Variants in CADM2 observed in about 807,000 individuals in gnomAD.
CADM2 encodes immunoglobulin superfamily member 4D.
A neutral mutation model predicts 49.8 loss-of-function variants in CADM2; 12 were observed. That is an observed-to-expected ratio of 0.24 (90% CI 0.15 to 0.39). The LOEUF (loss-of-function observed/expected upper bound fraction) is 0.39. Ranked by LOEUF, CADM2 falls within the 10% of genes least tolerant of loss-of-function variation. CADM2 has a pLI of 1.00. For synonymous variants in CADM2, 214 were observed against 175.4 expected, an observed-to-expected ratio of 1.22 and a Z score of -1.74; for missense variants, 378 against 492.3, an observed-to-expected ratio of 0.77 and a Z score of 2.20.
Position 86,070,597 on chromosome 3 carries a change from C to T in CADM2, c.*3814C>T, listed in dbSNP as rs1739778144. The stretch of plus-strand genomic sequence containing the variant: ...TCTAAAATTGCCCAATATTATTTCC[C>T]TTTGCAAATGGTAATTTCTGATAAA... On this transcript the variant is annotated 3_prime_UTR_variant, in exon 10 of 10. Transcript: ENST00000383699. 1 of 150,060 alleles carries T rather than the reference C, an allele frequency of 6.7e-6. No homozygotes were observed. The highest frequency in any genetic ancestry group is 1.5e-5 in the Non-Finnish European group (1 of 67,554). The allele number at this position is 150,060 out of a possible 1,614,324, so 9.3% of individuals were successfully genotyped here.
chr3:85,417,296 G>A (rs1050661438), intron 1 of CADM2, among the ~76,000 whole-genome samples: 2 of 152,056 alleles, frequency 1.3e-5, no homozygotes, highest in Non-Finnish European at 2.9e-5. Flanking sequence ...CCTGAAGTTT[G>A]TTTTATACTT....
intron 1 of CADM2, among the ~76,000 whole-genome samples, chr3:85,598,712 G>T (rs1351496650): frequency 6.6e-6 from 1 of 151,668 alleles, no homozygotes; most frequent in African/African-American, 2.4e-5. Flanking sequence ...TGATAATATA[G>T]CAGAAAAAAA....
chr3:85,583,982 T>G (rs1194156169), intron 1 of CADM2, among the ~76,000 whole-genome samples: 6 of 152,042 alleles, frequency 3.9e-5, no homozygotes, highest in African/African-American at 1.4e-4. Context: ...TTACTTAGCC[T>G]GTTCATGAGG....
chr3:85,735,740 G>A (rs1351131780), intron 2 of CADM2, among the ~76,000 whole-genome samples: 1 of 151,262 alleles, frequency 6.6e-6, no homozygotes, highest in African/African-American at 2.4e-5. Context: ...TAGATGTTTT[G>A]TTTGTTTTGT....
intron 1 of CADM2, among the ~76,000 whole-genome samples, chr3:84,997,461 C>T (rs2033238404): frequency 6.6e-6 from 1 of 151,832 alleles, no homozygotes; most frequent in Admixed American, 6.6e-5. Flanking sequence ...GGGTATTTAA[C>T]AACATAGAAA....
chr3:85,072,752 C>G (rs1000454887), intron 1 of CADM2, among the ~76,000 whole-genome samples: 1 of 151,834 alleles, frequency 6.6e-6, no homozygotes, highest in South Asian at 2.1e-4. Context: ...ATTTTAAATT[C>G]TATTATAAGG....
intron 1 of CADM2, among the ~76,000 whole-genome samples, chr3:85,691,625 G>A (rs2066389609): frequency 6.6e-6 from 1 of 152,122 alleles, no homozygotes; most frequent in Non-Finnish European, 1.5e-5. Flanking sequence ...CCATTACTGG[G>A]TATATACCCG....
At chr3:85,135,195 AT>A (rs1397599807) in intron 1 of CADM2, among the ~76,000 whole-genome samples, 1 of 151,626 alleles carries the variant, frequency 6.6e-6, no homozygotes, top group Non-Finnish European at 1.5e-5. Context: ...AATTAAAATC[AT>A]TTTACAAAGC....
At chr3:86,024,718 A>G (rs982130517) in intron 8 of CADM2, among the ~76,000 whole-genome samples, 1 of 152,288 alleles carries the variant, frequency 6.6e-6, no homozygotes, top group Non-Finnish European at 1.5e-5. Context: ...CATCAAGCAT[A>G]TTTAAGATGA....
At chr3:85,526,661 A>T (rs538771235) in intron 1 of CADM2, among the ~76,000 whole-genome samples, 1 of 152,300 alleles carries the variant, frequency 6.6e-6, no homozygotes, top group Non-Finnish European at 1.5e-5. Context: ...TTTTTATTGA[A>T]GACCAAAAAT....
At chr3:85,990,349 G>A (rs1728632279) in intron 8 of CADM2, among the ~76,000 whole-genome samples, 1 of 152,142 alleles carries the variant, frequency 6.6e-6, no homozygotes, top group Non-Finnish European at 1.5e-5. Context: ...TTCTGAAAAT[G>A]TTTCAGGTAG....
intron 1 of CADM2, among the ~76,000 whole-genome samples, chr3:85,122,851 C>T (rs2038912870): frequency 6.6e-6 from 1 of 151,968 alleles, no homozygotes; most frequent in Non-Finnish European, 1.5e-5. Context: ...CATTGTATGG[C>T]TCTTATTCAT....
chr3:85,393,099 A>AAAG (rs939324559), intron 1 of CADM2, among the ~76,000 whole-genome samples: 3 of 143,378 alleles, frequency 2.1e-5, no homozygotes, highest in Non-Finnish European at 3.1e-5. Context: ...TAAAAAAAAA[A>AAAG]AAAAGAAAAG....
At chr3:85,601,182 A>ACG in intron 1 of CADM2, among the ~76,000 whole-genome samples, 1 of 138,942 alleles carries the variant, frequency 7.2e-6, no homozygotes, top group Middle Eastern at 3.7e-3. Context: ...ATACACACAC[A>ACG]CACACACATA....
intron 1 of CADM2, among the ~76,000 whole-genome samples, chr3:85,422,265 T>G (rs1377481660): frequency 6.6e-6 from 1 of 152,312 alleles, no homozygotes; most frequent in South Asian, 2.1e-4. Flanking sequence ...GTTTAATTAT[T>G]TGCGAATGAA....
rs1025159808 is a variant in CADM2 at position 85,286,772 on chromosome 3, A to AT, written c.61+327110dup. 8.5e-5 allele frequency among the ~76,000 whole-genome samples: 13 copies of AT among 152,236 alleles called. No individual in the cohort carries two copies. In the South Asian group the frequency reaches 2.3e-3, roughly 27 times the overall value. On this transcript the variant is annotated intron_variant, in intron 1 of 9. Coordinates refer to ENST00000383699, the MANE Select transcript of CADM2 (RefSeq NM_001167675.2). Reference sequence around the variant, plus strand: ...ATCAGTAGACTTAATATTGCATCCTATTTTTTGGGTACATATTAAATGTAT... The same window carrying AT: ...ATCAGTAGACTTAATATTGCATCCTATTTTTTTGGGTACATATTAAATGTAT...
At chr3:85,907,285 A>T (rs1186827961) in intron 5 of CADM2, among the ~76,000 whole-genome samples, 1 of 152,184 alleles carries the variant, frequency 6.6e-6, no homozygotes, top group Non-Finnish European at 1.5e-5. Context: ...TTATCCATCA[A>T]AAACCACTTT....
intron 1 of CADM2, among the ~76,000 whole-genome samples, chr3:85,302,928 G>A (rs2044134334): frequency 6.6e-6 from 1 of 151,912 alleles, no homozygotes. Context: ...ATTGAAATCT[G>A]AGAAATTAAT....
At chr3:85,887,322 A>T (rs1309719464) in intron 5 of CADM2, among the ~76,000 whole-genome samples, 1 of 151,774 alleles carries the variant, frequency 6.6e-6, no homozygotes, top group Non-Finnish European at 1.5e-5. Context: ...GGCTAAAGTG[A>T]CCCTCCTGCC....
Sources: gnomAD v4.1 joint callset for allele counts (sites outside exome capture counted in the v4.1 genomes callset) on GRCh38, gnomAD v4.1.1 for gene constraint, MANE v1.5 for transcripts, NCBI Gene and HGNC (gene_info 2026-07-23, HGNC 2026-07-21) for gene names.